Variants in SHC3 observed in about 807,000 individuals in gnomAD.
SHC3 encodes SHC-transforming protein 3.
In SHC3, 15 loss-of-function variants were observed where a neutral mutation model predicts 60.4. That is an observed-to-expected ratio of 0.25 (90% CI 0.17 to 0.38). The LOEUF is 0.38. Ranked by LOEUF, SHC3 falls within the 10% of genes least tolerant of loss-of-function variation. The pLI is 1.00. For synonymous variants in SHC3, 294 were observed against 325.9 expected (o/e 0.90, Z 1.05); for missense variants, 677 against 786.1 (o/e 0.86, Z 1.66).
intron 6 of SHC3, among the ~76,000 whole-genome samples, chr9:89,054,379 A>ACAAGTCAC (rs1247671309): frequency 6.6e-6 from 1 of 152,232 alleles, no homozygotes; most frequent in Non-Finnish European, 1.5e-5. Context: ...AATGGAGAAA[A>ACAAGTCAC]CAAGTCACCT....
chr9:89,063,344 G>T (rs1051487430), intron 6 of SHC3, among the ~76,000 whole-genome samples: 6 of 152,310 alleles, frequency 3.9e-5, no homozygotes, highest in African/African-American at 1.4e-4. Flanking sequence ...CGGCCAGGCT[G>T]GTTTCGGTCT....
intron 1 of SHC3, among the ~76,000 whole-genome samples, chr9:89,172,055 G>C (rs1826876529): frequency 6.6e-6 from 1 of 152,226 alleles, no homozygotes; most frequent in Non-Finnish European, 1.5e-5. Context: ...GTACAGGAGG[G>C]CTGAGGTATA....
intron 5 of SHC3, among the ~76,000 whole-genome samples, chr9:89,070,375 T>C (rs1825251120): frequency 6.6e-6 from 1 of 152,226 alleles, no homozygotes; most frequent in African/African-American, 2.4e-5. Flanking sequence ...TTCTTCCCTT[T>C]GCCCTCTGTG....
intron 2 of SHC3, among the ~76,000 whole-genome samples, chr9:89,090,661 G>A (rs1825607393): frequency 6.6e-6 from 1 of 152,216 alleles, no homozygotes; most frequent in African/African-American, 2.4e-5. Context: ...TTGAGCCCAT[G>A]CGGATTGGGG....
intron 1 of SHC3, among the ~76,000 whole-genome samples, chr9:89,144,421 A>G (rs1282239233): frequency 6.6e-6 from 1 of 152,218 alleles, no homozygotes; most frequent in African/African-American, 2.4e-5. Context: ...GCCCCACCCC[A>G]GAATTTCTAA....
intron 6 of SHC3, among the ~76,000 whole-genome samples, chr9:89,060,506 G>A (rs1195549351): frequency 6.6e-6 from 1 of 151,940 alleles, no homozygotes; most frequent in Non-Finnish European, 1.5e-5. Context: ...GTGGTAGAAG[G>A]CAGGCACAGG....
intron 10 of SHC3, among the ~76,000 whole-genome samples, chr9:89,040,144 T>G (rs908562721): frequency 9.3e-5 from 5 of 53,756 alleles, no homozygotes; most frequent in South Asian, 1.3e-3. Context: ...AGCAGCAGCA[T>G]CACCACCATC....
chr9:89,027,940 G>A (rs879711151), intron 11 of SHC3, among the ~76,000 whole-genome samples: 32 of 152,204 alleles, frequency 2.1e-4, no homozygotes, highest in Non-Finnish European at 2.2e-4. Context: ...TGCAGCTCCC[G>A]CTGCTCCCAA....
At chr9:89,028,492 GATATAGATTAATATAGATTATA>G (rs1824408763) in intron 11 of SHC3, among the ~76,000 whole-genome samples, 1 of 18,582 alleles carries the variant, frequency 5.4e-5, no homozygotes, top group African/African-American at 2.9e-4. Flanking sequence ...TATCTATATA[GATATAGATTAATATAGATTATA>G]TCTATATAGA....
intron 11 of SHC3, among the ~76,000 whole-genome samples, chr9:89,016,151 C>T (rs1051874206): frequency 6.6e-6 from 1 of 151,858 alleles, no homozygotes; most frequent in East Asian, 1.9e-4. Flanking sequence ...GCCCAAAAAA[C>T]CTCTAGCCAG....
intron 1 of SHC3, among the ~76,000 whole-genome samples, chr9:89,127,861 A>T (rs1284794513): frequency 6.6e-6 from 1 of 152,000 alleles, no homozygotes; most frequent in African/African-American, 2.4e-5. Flanking sequence ...TCCAGTATAA[A>T]AATGGGACCC....
intron 2 of SHC3, among the ~76,000 whole-genome samples, chr9:89,103,867 G>C (rs903094864): frequency 6.6e-6 from 1 of 152,154 alleles, no homozygotes; most frequent in African/African-American, 2.4e-5. Context: ...CAGATAGTCA[G>C]ACTCTAAACC....
At chr9:89,168,791 AG>A (rs1826827020) in intron 1 of SHC3, among the ~76,000 whole-genome samples, 1 of 152,230 alleles carries the variant, frequency 6.6e-6, no homozygotes, top group Non-Finnish European at 1.5e-5. Context: ...CTGAATAAAC[AG>A]ATGGCCTTCC....
At chr9:89,156,793 T>C (rs1826630108) in intron 1 of SHC3, among the ~76,000 whole-genome samples, 1 of 152,138 alleles carries the variant, frequency 6.6e-6, no homozygotes, top group South Asian at 2.1e-4. Context: ...CTGGAGAAGG[T>C]CATGCCTATG....
chr9:89,153,601 C>T (rs1167307871), intron 1 of SHC3, among the ~76,000 whole-genome samples: 1 of 152,252 alleles, frequency 6.6e-6, no homozygotes, highest in East Asian at 1.9e-4. Context: ...GCCAGGGAGG[C>T]CCCTCAGTCA....
intron 10 of SHC3, among the ~76,000 whole-genome samples, chr9:89,041,798 G>A (rs1824690901): frequency 6.6e-6 from 1 of 152,146 alleles, no homozygotes; most frequent in Admixed American, 6.5e-5. Context: ...CAAGAGGAAC[G>A]TCAATTCCAA....
chr9:89,154,456 GT>G (rs1455705622), intron 1 of SHC3, among the ~76,000 whole-genome samples: 1 of 152,188 alleles, frequency 6.6e-6, no homozygotes, highest in Non-Finnish European at 1.5e-5. Flanking sequence ...GCCCCACGGT[GT>G]TTTGGGCATG....
At chr9:89,047,389 C>CCCTTCTAGGTAGAATAG (rs1330609944) in intron 7 of SHC3, among the ~76,000 whole-genome samples, 1 of 152,202 alleles carries the variant, frequency 6.6e-6, no homozygotes, top group Non-Finnish European at 1.5e-5. Flanking sequence ...ATGAACCTCT[C>CCCTTCTAGGTAGAATAG]AAAATTCTCC....
intron 2 of SHC3, among the ~76,000 whole-genome samples, chr9:89,106,225 A>G (rs1825857620): frequency 6.6e-6 from 1 of 152,216 alleles, no homozygotes; most frequent in Admixed American, 6.5e-5. Context: ...CTCACCCTAC[A>G]TCAACAGGCT....
Sources: allele counts gnomAD v4.1 joint callset (sites outside exome capture counted in the v4.1 genomes callset), GRCh38; gene constraint gnomAD v4.1.1; transcripts MANE v1.5; gene names NCBI Gene and HGNC (gene_info 2026-07-23, HGNC 2026-07-21).